Variants in GABRA3 observed in about 807,000 individuals in gnomAD.
GABRA3 encodes the protein gamma-aminobutyric acid receptor subunit alpha-3.
GABRA3 carries 10 observed loss-of-function variants against 30.1 expected under a neutral mutation model. That is an observed-to-expected ratio of 0.33 (90% confidence interval 0.20 to 0.56). The LOEUF (loss-of-function observed/expected upper bound fraction) is 0.56, where lower values mean the gene tolerates loss of function less well. GABRA3 is among the 20% of genes least tolerant of loss of function. The pLI is 0.89. For missense variants in GABRA3, 233 were observed against 392.0 expected (o/e 0.59, Z 3.42); for synonymous variants, 151 against 146.8 (o/e 1.03, Z -0.21).
intron 6 of GABRA3, among the ~76,000 whole-genome samples, chrX:152,219,256 T>A (rs1203187916): frequency 9.0e-6 from 1 of 110,525 alleles, no homozygotes; most frequent in Non-Finnish European, 1.9e-5. Context: ...CTAAATTAAA[T>A]CTCCAATCCA....
chrX:152,450,134 C>T (rs1021609991), intron 1 of GABRA3, among the ~76,000 whole-genome samples: 1 of 110,832 alleles, frequency 9.0e-6, no homozygotes, highest in Non-Finnish European at 1.9e-5. Flanking sequence ...CTTTGCAGAG[C>T]TCCAGACAAC....
chrX:152,182,551 TAC>T (rs1937173796), intron 9 of GABRA3, among the ~76,000 whole-genome samples: 1 of 68,614 alleles, frequency 1.5e-5, no homozygotes, highest in South Asian at 7.2e-4. Flanking sequence ...AGTGTATATA[TAC>T]ACTATATATA....
intron 1 of GABRA3, among the ~76,000 whole-genome samples, chrX:152,425,154 A>G (rs1305641294): frequency 9.4e-6 from 1 of 106,670 alleles, no homozygotes; most frequent in Non-Finnish European, 1.9e-5. Context: ...CTAGGTTGGT[A>G]TCAAACTCCT....
chrX:152,291,276 A>G (rs113936544), intron 3 of GABRA3, among the ~76,000 whole-genome samples: 10 of 111,605 alleles, frequency 9.0e-5, no homozygotes, highest in African/African-American at 3.3e-4. Context: ...TCTTTGAAGC[A>G]ATTGTGAATG....
intron 3 of GABRA3, among the ~76,000 whole-genome samples, chrX:152,325,117 G>A (rs779983738): frequency 1.2e-4 from 13 of 111,314 alleles, no homozygotes; most frequent in Non-Finnish European, 1.9e-4. Flanking sequence ...AGATTACAGA[G>A]CAGCATTTTT....
chrX:152,279,917 G>A (rs947464814), intron 4 of GABRA3, among the ~76,000 whole-genome samples: 43 of 111,199 alleles, frequency 3.9e-4, no homozygotes, highest in Non-Finnish European at 6.4e-4. Context: ...CTGTTTGTCT[G>A]TTATTGGTGT....
intron 4 of GABRA3, among the ~76,000 whole-genome samples, chrX:152,268,296 G>A (rs5970251): frequency 0.083 from 9,262 of 111,315 alleles, 824 homozygotes; most frequent in African/African-American, 0.26. Context: ...GGAGGGACCC[G>A]GTAGAAGGTA....
At chrX:152,286,412 G>A (rs1485314289) in intron 3 of GABRA3, among the ~76,000 whole-genome samples, 1 of 109,944 alleles carries the variant, frequency 9.1e-6, no homozygotes, top group African/African-American at 3.3e-5. Flanking sequence ...AACCAAACAA[G>A]TCTCACTCCA....
chrX:152,250,336 A>G (rs1339066835), intron 5 of GABRA3, among the ~76,000 whole-genome samples: 1 of 111,570 alleles, frequency 9.0e-6, no homozygotes, highest in African/African-American at 3.2e-5. Flanking sequence ...CAGATATTCC[A>G]GAACTTTAAA....
At chrX:152,246,276 C>G (rs1309390187) in intron 5 of GABRA3, among the ~76,000 whole-genome samples, 4 of 111,945 alleles carry the variant, frequency 3.6e-5, no homozygotes, top group Non-Finnish European at 5.6e-5. Flanking sequence ...AACTTTTAAA[C>G]AGACTCAATT....
At chrX:152,269,083 A>G (rs1023150127) in intron 4 of GABRA3, among the ~76,000 whole-genome samples, 2 of 111,843 alleles carry the variant, frequency 1.8e-5, no homozygotes, top group African/African-American at 6.5e-5. Context: ...TGCAGATAAT[A>G]TGATCTTATA....
intron 4 of GABRA3, among the ~76,000 whole-genome samples, chrX:152,277,662 G>A (rs1441096457): frequency 8.9e-6 from 1 of 111,736 alleles, no homozygotes; most frequent in East Asian, 2.8e-4. Flanking sequence ...CCTTGTATAC[G>A]CTCCAAGGAT....
Position 152,215,037 on chromosome X carries a change from G to GAT in GABRA3, c.635-6895_635-6894dup, listed in dbSNP as rs145636654. 6.5e-3 allele frequency among the ~76,000 whole-genome samples: 639 copies of GAT among 98,041 alleles called. 9 individuals are homozygous for GAT. The highest frequency in any genetic ancestry group is 0.022 in the African/African-American group (571 of 26,470). The allele number at this position is 98,041 out of a possible 115,157, so 85.1% of individuals were successfully genotyped here. ...ACACACATATATGTATGTGTGTATG[G>GAT]ATATATATATATATATATTTTTTTA... On this transcript the variant is annotated intron_variant, in intron 6 of 9. Transcript: ENST00000370314.
At chrX:152,282,550 C>G (rs1939217378) in intron 4 of GABRA3, among the ~76,000 whole-genome samples, 1 of 112,303 alleles carries the variant, frequency 8.9e-6, no homozygotes, top group African/African-American at 3.2e-5. Flanking sequence ...TCTGCCCTCT[C>G]TATCAGGAAG....
intron 9 of GABRA3, among the ~76,000 whole-genome samples, chrX:152,170,836 T>C (rs1250014224): frequency 8.9e-6 from 1 of 112,085 alleles, no homozygotes; most frequent in Non-Finnish European, 1.9e-5. Context: ...TTTACGTAAA[T>C]TGAACAGTCT....
At chrX:152,298,221 C>T (rs1939565449) in intron 3 of GABRA3, among the ~76,000 whole-genome samples, 1 of 111,545 alleles carries the variant, frequency 9.0e-6, no homozygotes. Context: ...GCCTCAGTTT[C>T]CTTGTCTGTT....
rs1032751485 is a variant in GABRA3 at position 152,353,140 on chromosome X, C to CT, written c.141-7439dup. The stretch of plus-strand genomic sequence containing the variant: ...AATCCATCTGAAAAAGACAGCTGTT[C>CT]TTTTCTGAAATAGCTTATATGGACT... On this transcript the variant is annotated intron_variant, in intron 2 of 9. Coordinates refer to ENST00000370314, the MANE Select transcript of GABRA3 (RefSeq NM_000808.4). Among the ~76,000 whole-genome samples the CT allele has an allele frequency of 2.7e-5, 3 of 110,789 alleles. No homozygotes were observed. The Admixed American group carries it at 2.9e-4, about 11-fold the overall frequency.
intron 1 of GABRA3, among the ~76,000 whole-genome samples, chrX:152,445,820 G>A (rs1357772047): frequency 8.9e-6 from 1 of 111,794 alleles, no homozygotes; most frequent in Non-Finnish European, 1.9e-5. Flanking sequence ...CAAGTGATAT[G>A]TCACAACAAA....
rs1930505966 is a variant in GABRA3, at chrX:152,425,945, C to G, written c.-27+25201G>C. ...TTAAATAGTATCTTTTTAGAAATCC[C>G]ATCTCCTTTGCTTTCCACGAACACA... is the stretch of plus-strand genomic sequence containing the variant. On this transcript the variant is annotated intron_variant, in intron 1 of 9. Coordinates refer to ENST00000370314, the MANE Select transcript of GABRA3 (RefSeq NM_000808.4). 2.7e-5 allele frequency among the ~76,000 whole-genome samples: 3 copies of G among 111,262 alleles called. No homozygotes were observed. In the Admixed American group the frequency reaches 2.9e-4, roughly 11 times the overall value.
Sources: allele counts gnomAD v4.1 joint callset (sites outside exome capture counted in the v4.1 genomes callset), GRCh38; gene constraint gnomAD v4.1.1; transcripts MANE v1.5; gene names NCBI Gene and HGNC (gene_info 2026-07-23, HGNC 2026-07-21).